TNIK: variants seen among roughly 807,000 people sequenced by gnomAD.
The protein encoded by TNIK is TRAF2 and NCK interacting kinase.
TNIK carries 49 observed loss-of-function variants against 191.3 expected under a neutral mutation model. The observed-to-expected ratio is 0.26, with a 90% CI of 0.20 to 0.32. TNIK has a LOEUF of 0.32. Among genes scored for constraint, TNIK ranks in the 10% least tolerant of loss-of-function variants. The pLI is 1.00. For synonymous variants in TNIK, 594 were observed against 600.9 expected (o/e 0.99, Z 0.17); for missense variants, 1,155 against 1,702.3 (o/e 0.68, Z 5.66).
chr3:171,414,507 T>C (rs969043588), intron 1 of TNIK, among the ~76,000 whole-genome samples: 2 of 152,232 alleles, frequency 1.3e-5, no homozygotes, highest in Non-Finnish European at 2.9e-5. Flanking sequence ...TAAAGCACGT[T>C]CATACACATC....
chr3:171,323,510 A>AG (rs573809364), intron 2 of TNIK, among the ~76,000 whole-genome samples: 3 of 152,188 alleles, frequency 2.0e-5, no homozygotes, highest in Non-Finnish European at 2.9e-5. Flanking sequence ...ACTGTGTCCG[A>AG]GGTCAGTGTT....
At chr3:171,240,335 A>G (rs1744804750) in intron 2 of TNIK, among the ~76,000 whole-genome samples, 1 of 152,202 alleles carries the variant, frequency 6.6e-6, no homozygotes, top group Admixed American at 6.5e-5. Flanking sequence ...TTACGAGGAA[A>G]GGCTTTGAAA....
intron 2 of TNIK, among the ~76,000 whole-genome samples, chr3:171,248,086 A>C (rs9819421): frequency 0.21 from 32,143 of 152,112 alleles, 3,472 homozygotes; most frequent in Middle Eastern, 0.32. Context: ...ACATTGAGTT[A>C]GGATGAAAGA....
At chr3:171,154,175 C>T (rs1732848337) in intron 12 of TNIK, among the ~76,000 whole-genome samples, 1 of 151,570 alleles carries the variant, frequency 6.6e-6, no homozygotes, top group African/African-American at 2.4e-5. Context: ...TTAGAGAGGG[C>T]TGACATTTTT....
intron 2 of TNIK, among the ~76,000 whole-genome samples, chr3:171,309,702 T>C (rs979337274): frequency 1.3e-5 from 2 of 152,174 alleles, no homozygotes; most frequent in African/African-American, 4.8e-5. Context: ...AGACTAATAG[T>C]TTGTAAAGGG....
rs142915935 is a variant in TNIK at position 171,140,158 on chromosome 3, G to A, written c.1332+241C>T. Among the ~76,000 whole-genome samples the A allele has an allele frequency of 9.2e-5, 14 of 152,342 alleles. No individual in the cohort carries two copies. In the East Asian group the frequency reaches 2.3e-3, roughly 25 times the overall value. ...ACCTTCAAATCAGATACCGAGGGTT[G>A]GGAGAATCGGAAGATCCGGGTATGT... is the stretch of plus-strand genomic sequence containing the variant. On this transcript the variant is annotated intron_variant, in intron 13 of 32. Transcript: ENST00000436636.
At chr3:171,249,121 T>C (rs1745942175) in intron 2 of TNIK, among the ~76,000 whole-genome samples, 1 of 152,260 alleles carries the variant, frequency 6.6e-6, no homozygotes, top group African/African-American at 2.4e-5. Flanking sequence ...TTTCTTATTA[T>C]AGAAACATTA....
At chr3:171,242,015 T>TG (rs1462054276) in intron 2 of TNIK, among the ~76,000 whole-genome samples, 1 of 90,448 alleles carries the variant, frequency 1.1e-5, no homozygotes, top group African/African-American at 4.4e-5. Flanking sequence ...GGGCCTGTTG[T>TG]GGGGTGGGGG....
At chr3:171,164,106 T>A (rs995034807) in intron 10 of TNIK, among the ~76,000 whole-genome samples, 13 of 152,392 alleles carry the variant, frequency 8.5e-5, no homozygotes, top group Admixed American at 5.9e-4. Context: ...CTGGTGGCCC[T>A]AAGCCTAAAC....
chr3:171,244,067 T>G (rs1038275609), intron 2 of TNIK, among the ~76,000 whole-genome samples: 28 of 151,050 alleles, frequency 1.9e-4, no homozygotes, highest in African/African-American at 6.8e-4. Context: ...ATAGTTTTTT[T>G]TTTTTTTTTT....
In TNIK at chr3:171,212,882, G is replaced by GA. The variant is rs1560270275; in HGVS notation, c.181-1642dup. Among the ~76,000 whole-genome samples the GA allele has an allele frequency of 2.8e-5, 4 of 142,794 alleles. No homozygotes were observed. In the East Asian group the frequency reaches 8.4e-4, roughly 30 times the overall value. 93.7% of individuals were successfully genotyped at this position (142,794 alleles called of 152,430 possible). On this transcript the variant is annotated intron_variant, in intron 3 of 32. Coordinates refer to ENST00000436636, the MANE Select transcript of TNIK (RefSeq NM_015028.4). Reference sequence around the variant, plus strand: ...GCTTATTTACTAAAATAAGCTTTAGGAAAAAACAAAGGGGATTTGCAAACC... The same window carrying GA: ...GCTTATTTACTAAAATAAGCTTTAGGAAAAAAACAAAGGGGATTTGCAAACC...
rs1212726160 is a variant in TNIK at position 171,459,943 on chromosome 3, A to G, written c.57+64T>C. 5.5e-6 allele frequency: 6 copies of G among 1,100,442 alleles called. No homozygotes were observed. The African/African-American group carries it at 1.0e-4, about 19-fold the overall frequency. 68.2% of individuals were successfully genotyped at this position (1,100,442 alleles called of 1,614,324 possible). A position where few individuals can be genotyped will look rare whatever the true frequency, so the allele number is the denominator to read the frequency against. On this transcript the variant is annotated intron_variant, in intron 1 of 32. Transcript: ENST00000436636. ...CTGCCCCAGCCCCAGCCCCCAGTCCACGCACCGAGCCCATTCACCCTAACC... is the reference window on the plus strand; with the variant it reads ...CTGCCCCAGCCCCAGCCCCCAGTCCGCGCACCGAGCCCATTCACCCTAACC...
At chr3:171,140,554 T>C in intron 12 of TNIK, 45 bp from the exon 13 acceptor site, 1 of 1,581,518 alleles carries the variant, frequency 6.3e-7, no homozygotes, top group Non-Finnish European at 8.7e-7. Context: ...CAGGCCCCGG[T>C]GGGGGGTGTC....
At chr3:171,369,470 T>C (rs185374653) in intron 2 of TNIK, 150 bp downstream of exon 2, 2 of 506,168 alleles carry the variant, frequency 4.0e-6, no homozygotes, top group African/African-American at 3.8e-5. Flanking sequence ...ACCACAGATA[T>C]ATTTTAAAAG....
chr3:171,281,109 G>A (rs556583649), intron 2 of TNIK, among the ~76,000 whole-genome samples: 115 of 152,194 alleles, frequency 7.6e-4, no homozygotes, highest in Admixed American at 3.5e-3. Flanking sequence ...AAACATTCTG[G>A]TTCAATTGAG....
intron 2 of TNIK, among the ~76,000 whole-genome samples, chr3:171,263,486 A>T (rs188622828): frequency 6.6e-6 from 1 of 152,312 alleles, no homozygotes; most frequent in African/African-American, 2.4e-5. Context: ...GGGGGTTTTC[A>T]AATTTCAATG....
At chr3:171,229,370 C>A (rs1209319016) in intron 2 of TNIK, among the ~76,000 whole-genome samples, 1 of 152,184 alleles carries the variant, frequency 6.6e-6, no homozygotes, top group Non-Finnish European at 1.5e-5. Context: ...GGGCCTCCCC[C>A]ATAGATGCTG....
At chr3:171,363,085 C>T (rs1239159094) in intron 2 of TNIK, among the ~76,000 whole-genome samples, 1 of 152,176 alleles carries the variant, frequency 6.6e-6, no homozygotes, top group Non-Finnish European at 1.5e-5. Context: ...AAACTGGAGA[C>T]ATTTTCAGCT....
At chr3:171,443,654 A>C (rs1373731794) in intron 1 of TNIK, among the ~76,000 whole-genome samples, 1 of 148,324 alleles carries the variant, frequency 6.7e-6, no homozygotes, top group Non-Finnish European at 1.5e-5. Context: ...CCCCATCTCT[A>C]CAAAAAAAAA....
Sources: allele counts gnomAD v4.1 joint callset (sites outside exome capture counted in the v4.1 genomes callset), GRCh38; gene constraint gnomAD v4.1.1; transcripts MANE v1.5; gene names NCBI Gene and HGNC (gene_info 2026-07-23, HGNC 2026-07-21).